Variants in CD8B observed in about 807,000 individuals in gnomAD.
CD8B encodes CD8 subunit beta.
Under a neutral mutation model 24.2 loss-of-function variants are expected in CD8B, and 6 were observed. The observed-to-expected ratio is 0.25, with a 90% CI of 0.14 to 0.49. The LOEUF (loss-of-function observed/expected upper bound fraction) is 0.49. Among genes scored for constraint, CD8B ranks in the 20% least tolerant of loss-of-function variants. The pLI is 0.98. For synonymous variants in CD8B, 84 were observed against 108.3 expected (o/e 0.78, Z 1.39); for missense variants, 196 against 271.3 (o/e 0.72, Z 1.95).
At chr2:86,857,989 G>C in intron 2 of CD8B, 68 bp downstream of exon 2, 1 of 1,526,998 alleles carries the variant, frequency 6.5e-7, no homozygotes, top group Non-Finnish European at 9.0e-7. Flanking sequence ...AAGCCTGGTG[G>C]TCCCAGTGCC....
chr2:86,858,993 G>C (rs1312755926), intron 1 of CD8B, among the ~76,000 whole-genome samples: 1 of 152,172 alleles, frequency 6.6e-6, no homozygotes, highest in Non-Finnish European at 1.5e-5. Context: ...CTTACAGTAT[G>C]TAAGTGGCCT....
chr2:86,848,711 T>TATTTATTTA (rs1381307168), intron 3 of CD8B, among the ~76,000 whole-genome samples: 101 of 87,792 alleles, frequency 1.2e-3, no homozygotes, highest in Non-Finnish European at 1.6e-3. Context: ...ATTATTTATT[T>TATTTATTTA]ATTTATTTAT....
chr2:86,844,503 T>G, intron 5 of CD8B: 1 of 550,438 alleles, frequency 1.8e-6, no homozygotes, highest in Non-Finnish European at 2.9e-6. Flanking sequence ...CTCTGCGGTA[T>G]TCTGTGCATG....
chr2:86,841,016 C>T lies in CD8B; in HGVS notation c.*1291G>A, dbSNP rs1412803843. 2.0e-5 allele frequency among the ~76,000 whole-genome samples: 3 copies of T among 152,054 alleles called. No individual in the cohort carries two copies. Among genetic ancestry groups the T allele is most frequent in the Admixed American group, 6.6e-5 (1 of 15,264 alleles). Reference sequence around the variant, plus strand: ...AAAAGCAGGTGAGGCTGGATTCTCCCTGGACCTGGACGTGGTGCTTCTGTT... The same window carrying T: ...AAAAGCAGGTGAGGCTGGATTCTCCTTGGACCTGGACGTGGTGCTTCTGTT... On this transcript the variant is annotated 3_prime_UTR_variant, in exon 6 of 6. Transcript: ENST00000390655.
chr2:86,842,578 T>C (rs1388331807), intron 5 of CD8B, among the ~76,000 whole-genome samples: 1 of 152,206 alleles, frequency 6.6e-6, no homozygotes, highest in Non-Finnish European at 1.5e-5. Context: ...ACCTCTAAGA[T>C]AATCTAAGAG....
intron 5 of CD8B, among the ~76,000 whole-genome samples, chr2:86,832,329 T>C (rs1674933882): frequency 6.6e-6 from 1 of 151,776 alleles, no homozygotes; most frequent in African/African-American, 2.4e-5. Flanking sequence ...AAATACAAAA[T>C]TAGCCAGGCA....
chr2:86,817,682 A>G (rs115055789), intron 5 of CD8B, among the ~76,000 whole-genome samples: 1,970 of 152,348 alleles, frequency 0.013, 20 homozygotes, highest in Middle Eastern at 0.037. Context: ...TAGGGTATGC[A>G]GTATGGAGGA....
chr2:86,846,831 G>A lies in CD8B; in HGVS notation c.494-58C>T, dbSNP rs57093094. On this transcript the variant is annotated intron_variant, in intron 3 of 5. Transcript: ENST00000390655. ...CGGAACATTTTTCTGCATGAGACAC[G>A]CAGAAAAATACAAGGAGCGAAAAAT... The A allele has an allele frequency of 1.6e-3, 1,950 of 1,221,636 alleles. 27 individuals are homozygous for A. In the African/African-American group the frequency reaches 0.026, roughly 16 times the overall value. The allele number at this position is 1,221,636 out of a possible 1,614,324, so 75.7% of individuals were successfully genotyped here.
chr2:86,842,190 C>T lies in CD8B; in HGVS notation c.*117G>A. ...CCTTGCAGCAGTGAAAAGCAGGCAG[C>T]TTCAGCAGCCATTGAACTCTCCAGG... On this transcript the variant is annotated 3_prime_UTR_variant, in exon 6 of 6. Coordinates refer to ENST00000390655, the MANE Select transcript of CD8B (RefSeq NM_004931.5). 20 of 1,484,110 alleles carry T rather than the reference C, an allele frequency of 1.3e-5. No individual in the cohort carries two copies. Among genetic ancestry groups the T allele is most frequent in the Non-Finnish European group, 1.6e-5 (18 of 1,116,782 alleles). 91.9% of individuals were successfully genotyped at this position (1,484,110 alleles called of 1,614,324 possible).
In CD8B at chr2:86,858,354, T is replaced by C. The variant is rs763949278; in HGVS notation, c.106A>G (p.Met36Val). 1 of 1,613,566 alleles carries C rather than the reference T, an allele frequency of 6.2e-7. No individual in the cohort carries two copies. The highest frequency in any genetic ancestry group is 1.3e-5 in the African/African-American group (1 of 74,838). Residue 36 changes from methionine (M) to valine (V), a missense_variant, in exon 2 of 6, where the codon ATG becomes GTG. Coordinates refer to ENST00000390655, the MANE Select transcript of CD8B (RefSeq NM_004931.5). ...PAYIKVQTNK[M>V]VMLSCEAKIS... is the part of the protein sequence containing the mutation. ...TTAGCCTCGCAGGACAGCATCACCA[T>C]CTTGTTGGTTTGCACCTTTATGTAT...
chr2:86,834,572 C>T (rs1482749767), downstream of CD8B, among the ~76,000 whole-genome samples: 2 of 151,966 alleles, frequency 1.3e-5, no homozygotes, highest in Non-Finnish European at 2.9e-5. Context: ...AGCGTCTGAC[C>T]AGGCTCAAAC....
intron 5 of CD8B, chr2:86,822,189 A>G (rs1455199387): frequency 1.7e-6 from 1 of 572,814 alleles, no homozygotes; most frequent in East Asian, 2.8e-5. Context: ...TCTAACACAA[A>G]ATTATATCAG....
intron 5 of CD8B, chr2:86,821,720 G>A (rs1043644334): frequency 2.7e-5 from 12 of 439,910 alleles, no homozygotes; most frequent in Admixed American, 7.1e-5. Flanking sequence ...GAACGCCTTC[G>A]GAACCCTCCG....
chr2:86,841,700 A>G lies in CD8B; in HGVS notation c.*607T>C. The G allele has an allele frequency of 2.0e-6, 2 of 985,204 alleles. No individual in the cohort carries two copies. Among genetic ancestry groups the G allele is most frequent in the Non-Finnish European group, 2.4e-6 (2 of 829,692 alleles). 61.0% of individuals were successfully genotyped at this position (985,204 alleles called of 1,614,324 possible). ...AGAAATGGGAGCTGAGAAACTTAAGAGTAGAAATGGGAGCTGAGAAGATGA... is the reference window on the plus strand; with the variant it reads ...AGAAATGGGAGCTGAGAAACTTAAGGGTAGAAATGGGAGCTGAGAAGATGA... On this transcript the variant is annotated 3_prime_UTR_variant, in exon 6 of 6. Transcript: ENST00000390655.
chr2:86,854,153 T>A (rs1676116099), intron 2 of CD8B, among the ~76,000 whole-genome samples: 1 of 152,124 alleles, frequency 6.6e-6, no homozygotes, highest in South Asian at 2.1e-4. Flanking sequence ...CTTCTTGGGA[T>A]TATCTGAGAA....
intron 1 of CD8B, among the ~76,000 whole-genome samples, chr2:86,859,896 C>T (rs1487371022): frequency 6.6e-6 from 1 of 151,992 alleles, no homozygotes; most frequent in Non-Finnish European, 1.5e-5. Context: ...CCCATAATGG[C>T]CTTCTCCAAC....
At chr2:86,833,639 C>CCCTCCCTCCCTTCCTT (rs559210826), downstream of CD8B, among the ~76,000 whole-genome samples, 72 of 75,994 alleles carry the variant, frequency 9.5e-4, 3 homozygotes, top group Non-Finnish European at 1.7e-3. Context: ...CTCCCTCCCT[C>CCCTCCCTCCCTTCCTT]CCTTCCTTCC....
chr2:86,827,018 A>G (rs915418945), intron 5 of CD8B, among the ~76,000 whole-genome samples: 5 of 151,892 alleles, frequency 3.3e-5, no homozygotes, highest in Admixed American at 3.3e-4. Context: ...AGAGGGTTTC[A>G]CCATGTTGGC....
chr2:86,823,261 A>T (rs1379154586), intron 5 of CD8B, among the ~76,000 whole-genome samples: 1 of 152,062 alleles, frequency 6.6e-6, no homozygotes, highest in Non-Finnish European at 1.5e-5. Context: ...ATCATTTTTT[A>T]AAACTTAAAA....
Sources: allele counts gnomAD v4.1 joint callset (sites outside exome capture counted in the v4.1 genomes callset), GRCh38; gene constraint gnomAD v4.1.1; transcripts MANE v1.5; gene names NCBI Gene and HGNC (gene_info 2026-07-23, HGNC 2026-07-21).